Variants in VAV2 observed in about 807,000 individuals in gnomAD.
The protein encoded by VAV2 is guanine nucleotide exchange factor VAV2.
In VAV2, 67 loss-of-function variants were observed where a neutral mutation model predicts 132.5. The ratio of observed to expected loss-of-function variants is 0.51; its 90% CI spans 0.42 to 0.62. The LOEUF (loss-of-function observed/expected upper bound fraction) is 0.62. Ranked by LOEUF, VAV2 falls within the 20% of genes least tolerant of loss-of-function variation. VAV2 has a pLI of 0.00. For synonymous variants in VAV2, 492 were observed against 443.5 expected, an observed-to-expected ratio of 1.11 and a Z score of -1.37; for missense variants, 938 against 1,153.6, an observed-to-expected ratio of 0.81 and a Z score of 2.71.
At chr9:133,915,786 G>A (rs1023989271) in intron 2 of VAV2, among the ~76,000 whole-genome samples, 1 of 144,960 alleles carries the variant, frequency 6.9e-6, no homozygotes, top group Non-Finnish European at 1.5e-5. Context: ...ACACGCACAC[G>A]ATGTACATGT....
chr9:133,917,458 G>C (rs13295578), intron 2 of VAV2, among the ~76,000 whole-genome samples: 16,751 of 112,474 alleles, frequency 0.15, 1,149 homozygotes, highest in Middle Eastern at 0.3. Context: ...TTTTTTTTTG[G>C]CTAGAAGGGT....
chr9:133,867,570 C>T (rs1837856837), intron 2 of VAV2, among the ~76,000 whole-genome samples: 1 of 152,192 alleles, frequency 6.6e-6, no homozygotes, highest in Non-Finnish European at 1.5e-5. Flanking sequence ...CCTGGCAGGG[C>T]CAGCCACACC....
intron 5 of VAV2, among the ~76,000 whole-genome samples, chr9:133,811,143 A>AC (rs1011538385): frequency 6.6e-6 from 1 of 151,402 alleles, no homozygotes; most frequent in Admixed American, 6.6e-5. Flanking sequence ...CTCGGGGGAG[A>AC]CCCCCCGGTT....
rs138843617 is a variant in VAV2 at position 133,979,187 on chromosome 9, G to A, written c.204+12888C>T. Among the ~76,000 whole-genome samples, 106 of 152,350 alleles carry A rather than the reference G, an allele frequency of 7.0e-4. No individual in the cohort carries two copies. In the South Asian group the frequency reaches 7.0e-3, roughly 10 times the overall value. ...GCAGGGGCTGGGAGACATGTCCGCC[G>A]AGCACTTCCCACTTGCCAGGCACCG... On this transcript the variant is annotated intron_variant, in intron 1 of 29. Transcript: ENST00000371850.
At position 133,939,197 on chromosome 9, in the gene VAV2, C is replaced by T. The variant is rs1330882032; in HGVS notation, c.227G>A (p.Arg76His). The T allele has an allele frequency of 2.5e-6, 4 of 1,614,196 alleles. No homozygotes were observed. Among genetic ancestry groups the T allele is most frequent in the South Asian group, 1.1e-5 (1 of 91,084 alleles). Residue 76 changes from arginine to histidine, a missense_variant, in exon 2 of 30, where the codon CGC (arginine) becomes CAC (histidine). Arg to His is a conservative substitution (Grantham distance 29). Transcript: ENST00000371850. The part of the protein sequence containing the change: ...MSQFLCLKNI[R>H]TFLKVCHDKF... ...ATCGTGGCAGACTTTCAGGAAGGTGCGTATGTTCTTCAAACACAGAAACTA... is the reference window on the plus strand; with the variant it reads ...ATCGTGGCAGACTTTCAGGAAGGTGTGTATGTTCTTCAAACACAGAAACTA...
chr9:133,920,354 C>T (rs1840254084), intron 2 of VAV2, among the ~76,000 whole-genome samples: 1 of 152,246 alleles, frequency 6.6e-6, no homozygotes, highest in Non-Finnish European at 1.5e-5. Flanking sequence ...TTTTCGCCAG[C>T]CATGTGAGCA....
chr9:133,957,817 T>A (rs970566051), intron 1 of VAV2, among the ~76,000 whole-genome samples: 1 of 150,134 alleles, frequency 6.7e-6, no homozygotes, highest in Middle Eastern at 3.4e-3. Flanking sequence ...TGTCACTGTA[T>A]CTGTGTAGAA....
chr9:133,991,581 C>T lies in VAV2; in HGVS notation c.204+494G>A, dbSNP rs1254035527. Among the ~76,000 whole-genome samples, 1 of 151,674 alleles carries T rather than the reference C, an allele frequency of 6.6e-6. No individual in the cohort carries two copies. The highest frequency in any genetic ancestry group is 1.5e-5 in the Non-Finnish European group (1 of 67,860). On this transcript the variant is annotated intron_variant, in intron 1 of 29. Coordinates refer to ENST00000371850, the MANE Select transcript of VAV2 (RefSeq NM_001134398.2). The surrounding 1 kb of genome is among the most constrained non-coding windows in gnomAD (Gnocchi z 4.8). ...GGGGCCAACCCAGCTCCCTCCGGCCCCGAGGGCTCCCGCCCCGCGCCCCTC... is the reference window on the plus strand; with the variant it reads ...GGGGCCAACCCAGCTCCCTCCGGCCTCGAGGGCTCCCGCCCCGCGCCCCTC...
chr9:133,775,104 G>C (rs2488559), intron 24 of VAV2, 53 bp from the exon 25 acceptor site: 2 of 1,507,396 alleles, frequency 1.3e-6, no homozygotes, highest in Non-Finnish European at 1.8e-6. Context: ...CAGTGTCTGA[G>C]GGGTGCCCAG....
rs7869252 is a variant in VAV2 at position 133,840,692 on chromosome 9, C to T, written c.381-6352G>A. 0.029 allele frequency among the ~76,000 whole-genome samples: 4,366 copies of T among 152,304 alleles called. 204 individuals carry two copies. The highest frequency in any genetic ancestry group is 0.1 in the African/African-American group (4,159 of 41,564). On this transcript the variant is annotated intron_variant, in intron 3 of 29. Transcript: ENST00000371850. This position sits in a 1 kb window ranked among gnomAD's most constrained non-coding sequence, Gnocchi z 4.5. ...TCCCCGGGGAATTACGGGGCACCTGCGTGGGGCTGGCATGGGCGGCCATTT... is the reference window on the plus strand; with the variant it reads ...TCCCCGGGGAATTACGGGGCACCTGTGTGGGGCTGGCATGGGCGGCCATTT...
chr9:133,851,361 A>C (rs570756764), intron 3 of VAV2, among the ~76,000 whole-genome samples: 2 of 152,314 alleles, frequency 1.3e-5, no homozygotes, highest in South Asian at 4.1e-4. Flanking sequence ...CAGGCACTAT[A>C]CTGAGAACTT....
chr9:133,908,890 G>C (rs912166088), intron 2 of VAV2, among the ~76,000 whole-genome samples: 2 of 152,216 alleles, frequency 1.3e-5, no homozygotes, highest in African/African-American at 4.8e-5. Flanking sequence ...AATCTGGTGA[G>C]GGCAAGGCCA....
rs905188656 is a variant in VAV2 at position 133,879,887 on chromosome 9, T to C, written c.322-18455A>G. ...GGCATCCAGATTTGCTTCCAAGCGG[T>C]TTTACCTTGATGACTGCTTAATCCT... On this transcript the variant is annotated intron_variant, in intron 2 of 29. Transcript: ENST00000371850. This position sits in a 1 kb window ranked among gnomAD's most constrained non-coding sequence, Gnocchi z 4.4. Among the ~76,000 whole-genome samples, 1 of 152,196 alleles carries C rather than the reference T, an allele frequency of 6.6e-6. No homozygotes were observed. Among genetic ancestry groups the C allele is most frequent in the African/African-American group, 2.4e-5 (1 of 41,452 alleles).
intron 9 of VAV2, among the ~76,000 whole-genome samples, chr9:133,799,500 C>T (rs950701435): frequency 1.3e-5 from 2 of 152,228 alleles, no homozygotes; most frequent in Non-Finnish European, 2.9e-5. Context: ...AGCAAAGCAC[C>T]CATGGCCGGT....
Position 133,802,262 on chromosome 9 carries a change from G to A in VAV2, c.836+3819C>T, listed in dbSNP as rs1433493422. Among the ~76,000 whole-genome samples the A allele has an allele frequency of 1.4e-4, 20 of 145,004 alleles. No individual in the cohort carries two copies. Among genetic ancestry groups the A allele is most frequent in the South Asian group, 4.2e-4 (2 of 4,734 alleles). On this transcript the variant is annotated intron_variant, in intron 9 of 29. Transcript: ENST00000371850. This position sits in a 1 kb window ranked among gnomAD's most constrained non-coding sequence, Gnocchi z 5.8. ...AGCCAAAACTTGGAATAACACACAC[G>A]GGCACACATGTATGCACACACACAC... is the stretch of plus-strand genomic sequence containing the variant.
At chr9:133,890,763 G>A (rs1838900177) in intron 2 of VAV2, among the ~76,000 whole-genome samples, 1 of 152,168 alleles carries the variant, frequency 6.6e-6, no homozygotes, top group African/African-American at 2.4e-5. Flanking sequence ...GAGATGGCAG[G>A]AGCTCAGCAG....
At chr9:133,911,436 C>T (rs929984153) in intron 2 of VAV2, among the ~76,000 whole-genome samples, 5 of 152,206 alleles carry the variant, frequency 3.3e-5, no homozygotes, top group African/African-American at 1.2e-4. Flanking sequence ...ATTTACCATA[C>T]CTCTATGGAG....
chr9:133,863,452 G>A lies in VAV2; in HGVS notation c.322-2020C>T, dbSNP rs1032882010. Reference sequence around the variant, plus strand: ...GGAACCGGGTCGTACAGATGGAACCGGAGACAGAGAGGAGGCGTGGCGGGC... The same window carrying A: ...GGAACCGGGTCGTACAGATGGAACCAGAGACAGAGAGGAGGCGTGGCGGGC... On this transcript the variant is annotated intron_variant, in intron 2 of 29. Transcript: ENST00000371850. The surrounding 1 kb of genome is among the most constrained non-coding windows in gnomAD (Gnocchi z 5.0). 7.9e-5 allele frequency among the ~76,000 whole-genome samples: 12 copies of A among 152,184 alleles called. No homozygotes were observed. Among genetic ancestry groups the A allele is most frequent in the African/African-American group, 2.4e-4 (10 of 41,444 alleles).
intron 1 of VAV2, among the ~76,000 whole-genome samples, chr9:133,940,992 C>G (rs1841127286): frequency 7.1e-6 from 1 of 140,728 alleles, no homozygotes. Flanking sequence ...TGCCATGCCT[C>G]TTCAGTCTCC....
Sources: allele counts gnomAD v4.1 joint callset (sites outside exome capture counted in the v4.1 genomes callset), GRCh38; gene constraint gnomAD v4.1.1; non-coding constraint Gnocchi (gnomAD v3.1); transcripts MANE v1.5; gene names NCBI Gene and HGNC (gene_info 2026-07-23, HGNC 2026-07-21).